KIF18A: variants seen among roughly 807,000 people sequenced by gnomAD.
The protein encoded by KIF18A is kinesin-like protein KIF18A.
A neutral mutation model predicts 103.3 loss-of-function variants in KIF18A; 67 were observed. That is an observed-to-expected ratio of 0.65 (90% CI 0.53 to 0.79). KIF18A has a LOEUF of 0.79. Among genes scored for constraint, KIF18A ranks in the 30% least tolerant of loss-of-function variants. The pLI, the probability that KIF18A is intolerant of heterozygous loss-of-function variation, is 0.00. For synonymous variants in KIF18A, 367 were observed against 355.5 expected, an observed-to-expected ratio of 1.03 and a Z score of -0.36; for missense variants, 1,032 against 1,062.5, an observed-to-expected ratio of 0.97 and a Z score of 0.40.
In KIF18A at chr11:28,036,337, T is replaced by C; in HGVS notation, c.2276A>G (p.Lys759Arg). The C allele has an allele frequency of 6.2e-7, 1 of 1,610,924 alleles. No homozygotes were observed. Among genetic ancestry groups the C allele is most frequent in the Non-Finnish European group, 8.5e-7 (1 of 1,177,904 alleles). Residue 759 changes from lysine to arginine, a missense_variant, in exon 14 of 17, where the codon AAA becomes AGA. Lys to Arg is a conservative substitution (Grantham distance 26, BLOSUM62 2). Transcript: ENST00000263181. ...CEVAIPHNRRKECGQEDLDST... is the reference protein window; with the variant it reads ...CEVAIPHNRRRECGQEDLDST... ...GTCCAAGTCCTCCTGTCCACATTCT[T>C]TTCTTCTATTATGAGGGATAGCTAC...
At position 28,042,205 on chromosome 11, in the gene KIF18A, C is replaced by T. The variant is rs181764707; in HGVS notation, c.1949-5541G>A. ...GAGTAAGGATAAGTAGGAAACAGTC[C>T]TAGAACAAAAGTAGCAGATAGAGAC... On this transcript the variant is annotated intron_variant, in intron 13 of 16. Coordinates refer to ENST00000263181, the MANE Select transcript of KIF18A (RefSeq NM_031217.4). Among the ~76,000 whole-genome samples the T allele has an allele frequency of 9.9e-5, 15 of 151,768 alleles. No homozygotes were observed. In the East Asian group the frequency reaches 2.9e-3, roughly 29 times the overall value.
chr11:28,057,197 C>G (rs978261607), intron 13 of KIF18A, among the ~76,000 whole-genome samples: 1 of 151,992 alleles, frequency 6.6e-6, no homozygotes. Context: ...TTGGCCTCAT[C>G]GATAATCTGA....
At position 28,083,248 on chromosome 11, in the gene KIF18A, TGAAA is replaced by T. The variant is rs749043744; in HGVS notation, c.1075-9_1075-6del. Reference sequence around the variant, plus strand: ...ATTAAGAACATTGCTCTTCAACTGTTGAAAGATAGAAATTATGATTGTTTATAGA... The same window carrying T: ...ATTAAGAACATTGCTCTTCAACTGTTGATAGAAATTATGATTGTTTATAGA... On this transcript the variant is annotated splice_region_variant and splice_polypyrimidine_tract_variant and intron_variant, in intron 7 of 16. Transcript: ENST00000263181. 5.2e-6 allele frequency: 8 copies of T among 1,547,732 alleles called. No homozygotes were observed. In the South Asian group the frequency reaches 8.8e-5, roughly 17 times the overall value.
At chr11:28,051,169 A>T (rs1018923140) in intron 13 of KIF18A, among the ~76,000 whole-genome samples, 2 of 151,892 alleles carry the variant, frequency 1.3e-5, no homozygotes, top group African/African-American at 4.8e-5. Flanking sequence ...TTTATGAATT[A>T]AAAAAATTTC....
chr11:28,058,128 T>C (rs761563501), intron 13 of KIF18A, among the ~76,000 whole-genome samples: 5 of 152,162 alleles, frequency 3.3e-5, no homozygotes, highest in Admixed American at 2.0e-4. Flanking sequence ...AATTTTTTTC[T>C]TAACTAAGAT....
intron 15 of KIF18A, among the ~76,000 whole-genome samples, chr11:28,026,938 A>G (rs1381816928): frequency 6.6e-6 from 1 of 151,860 alleles, no homozygotes; most frequent in Non-Finnish European, 1.5e-5. Flanking sequence ...CTTAGCAAAT[A>G]TAAAATTTTA....
chr11:28,105,448 C>T (rs1417208863), intron 1 of KIF18A, among the ~76,000 whole-genome samples: 8 of 152,052 alleles, frequency 5.3e-5, no homozygotes, highest in Non-Finnish European at 1.0e-4. Context: ...TTGTATAAAA[C>T]GAAGATGTAC....
chr11:28,088,150 G>A (rs1851255315), intron 6 of KIF18A, among the ~76,000 whole-genome samples: 1 of 151,558 alleles, frequency 6.6e-6, no homozygotes, highest in African/African-American at 2.4e-5. Flanking sequence ...CTAAACAACA[G>A]AATTTAGTTT....
chr11:28,057,524 C>G (rs1850797266), intron 13 of KIF18A, among the ~76,000 whole-genome samples: 1 of 151,394 alleles, frequency 6.6e-6, no homozygotes, highest in South Asian at 2.1e-4. Flanking sequence ...CAAAACAAAA[C>G]AAAACAAAAA....
At chr11:28,088,413 C>A (rs1851259554) in intron 6 of KIF18A, 111 bp downstream of exon 6, 3 of 831,442 alleles carry the variant, frequency 3.6e-6, no homozygotes, top group African/African-American at 1.7e-5. Context: ...ACTGATATAC[C>A]CTTGAAATGT....
chr11:28,062,357 GT>G, intron 12 of KIF18A, 37 bp downstream of exon 12: 3 of 1,551,834 alleles, frequency 1.9e-6, no homozygotes, highest in Non-Finnish European at 2.6e-6. Flanking sequence ...TTCAGATATA[GT>G]GTTAAAATTG....
chr11:28,061,402 A>G (rs1430627448), intron 12 of KIF18A, among the ~76,000 whole-genome samples: 1 of 151,992 alleles, frequency 6.6e-6, no homozygotes, highest in African/African-American at 2.4e-5. Context: ...TAAATTGTTG[A>G]GTTAGTCTTT....
intron 12 of KIF18A, among the ~76,000 whole-genome samples, chr11:28,062,042 T>C (rs1850861526): frequency 6.6e-6 from 1 of 152,054 alleles, no homozygotes; most frequent in Admixed American, 6.6e-5. Context: ...ACTTAAAAAT[T>C]CAAGTGATGT....
intron 2 of KIF18A, among the ~76,000 whole-genome samples, chr11:28,097,009 T>C (rs1156824528): frequency 6.6e-6 from 1 of 152,106 alleles, no homozygotes; most frequent in African/African-American, 2.4e-5. Flanking sequence ...CTTAACACTT[T>C]TACCCCCTTT....
chr11:28,088,777 G>A, intron 5 of KIF18A, 56 bp from the exon 6 acceptor site: 1 of 1,346,134 alleles, frequency 7.4e-7, no homozygotes, highest in Non-Finnish European at 1.0e-6. Context: ...AAAATTAAAA[G>A]GGAAATATAT....
chr11:28,097,627 G>A lies in KIF18A; in HGVS notation c.321C>T (p.Cys107=). Residue 107 remains cysteine, a synonymous_variant, in exon 2 of 17, where the codon TGC becomes TGT. Transcript: ENST00000263181. ...ILRSFLNGYN[C]TVLAYGATGA... is the part of the protein sequence containing the mutation. ...ATCCCAAATTGAAACAAATACCTGT[G>A]CAATTATATCCATTCAAAAAACTAC... 1 of 1,578,138 alleles carries A rather than the reference G, an allele frequency of 6.3e-7. No individual in the cohort carries two copies. The highest frequency in any genetic ancestry group is 8.7e-7 in the Non-Finnish European group (1 of 1,147,650).
chr11:28,023,974 A>G, intron 15 of KIF18A, 124 bp from the exon 16 acceptor site: 1 of 507,038 alleles, frequency 2.0e-6, no homozygotes, highest in Non-Finnish European at 3.5e-6. Flanking sequence ...GTGAAATCTC[A>G]CAGAAGTGGA....
intron 13 of KIF18A, among the ~76,000 whole-genome samples, chr11:28,042,566 GT>G (rs1225754889): frequency 1.3e-5 from 2 of 151,914 alleles, no homozygotes; most frequent in Non-Finnish European, 2.9e-5. Flanking sequence ...TAATGAATGA[GT>G]TTTGATAAAA....
intron 13 of KIF18A, among the ~76,000 whole-genome samples, chr11:28,045,659 A>G (rs1049029955): frequency 1.3e-5 from 2 of 152,080 alleles, no homozygotes; most frequent in South Asian, 4.1e-4. Context: ...AAAACCAGAG[A>G]AGAAATAAGG....
Sources: allele counts gnomAD v4.1 joint callset (sites outside exome capture counted in the v4.1 genomes callset), GRCh38; gene constraint gnomAD v4.1.1; transcripts MANE v1.5; gene names NCBI Gene and HGNC (gene_info 2026-07-23, HGNC 2026-07-21).